TMC2: variants seen among roughly 807,000 people sequenced by gnomAD.
The protein encoded by TMC2 is transmembrane channel like 2, also known as transmembrane channel-like protein 2.
In TMC2, 102 loss-of-function variants were observed where a neutral mutation model predicts 105.9. That is an observed-to-expected ratio of 0.96 (90% CI 0.82 to 1.14). TMC2 has a LOEUF of 1.14. TMC2 is among the 50% of genes most tolerant of loss of function. The pLI is 0.00. For missense variants in TMC2, 1,093 were observed against 1,134.3 expected (o/e 0.96, Z 0.52); for synonymous variants, 402 against 422.8 (o/e 0.95, Z 0.60).
chr20:2,595,104 T>C, intron 9 of TMC2, 137 bp downstream of exon 9: 2 of 1,005,380 alleles, frequency 2.0e-6, no homozygotes, highest in Non-Finnish European at 1.5e-6. Flanking sequence ...ATATGCACAT[T>C]ATAATTTGTG....
Position 2,610,513 on chromosome 20 carries a change from A to C in TMC2, c.1508A>C (p.Lys503Thr). Residue 503 changes from lysine (K) to threonine (T), a missense_variant, in exon 12 of 20, where the codon AAG (lysine) becomes ACG (threonine). Transcript: ENST00000358864. ...AATTACCACCCACGCACTGGACTGAAGTGGCAGCTGGGACGCATCTTTGCA... is the reference window on the plus strand; with the variant it reads ...AATTACCACCCACGCACTGGACTGACGTGGCAGCTGGGACGCATCTTTGCA... The part of the protein sequence containing the change: ...LENYHPRTGL[K>T]WQLGRIFALF... 1.2e-6 allele frequency: 2 copies of C among 1,613,852 alleles called. No individual in the cohort carries two copies. Among genetic ancestry groups the C allele is most frequent in the African/African-American group, 2.7e-5 (2 of 75,014 alleles).
At chr20:2,584,835 A>G (rs1048796417) in intron 7 of TMC2, among the ~76,000 whole-genome samples, 3 of 152,162 alleles carry the variant, frequency 2.0e-5, no homozygotes, top group Middle Eastern at 3.4e-3. Context: ...ATTTGCATCA[A>G]GTAAAATTTA....
chr20:2,558,599 C>T lies in TMC2; in HGVS notation c.226C>T (p.Arg76Cys). The change falls in exon 3 of 20, where the codon CGC becomes TGC. Residue 76 changes from arginine to cysteine, a missense_variant. By Grantham distance (180) the Arg-to-Cys change is radical. Transcript: ENST00000358864. The surrounding 1 kb of genome is among the most constrained non-coding windows in gnomAD (Gnocchi z 4.6). ...PGSPRRKQTG[R>C]RRHREELGEQ... ...GTCTCCCCGGAGGAAGCAAACAGGG[C>T]GCAGGAGACACAGAGAAGAGCTGGG... The T allele has an allele frequency of 6.4e-7, 1 of 1,556,178 alleles. No individual in the cohort carries two copies.
Position 2,537,312 on chromosome 20 carries a change from C to T in TMC2, c.78C>T (p.His26=), listed in dbSNP as rs1473561849. ...VKGRVKSGSP[H]TGDRLGRRSS... is the part of the protein sequence containing the mutation. ...GGCGGGTGAAGAGCGGCTCTCCACACACAGGTGAGATGGGGTGGTGGGGTC... is the reference window on the plus strand; with the variant it reads ...GGCGGGTGAAGAGCGGCTCTCCACATACAGGTGAGATGGGGTGGTGGGGTC... The change falls in exon 2 of 20, where the codon CAC becomes CAT. Residue 26 remains histidine (H), a synonymous_variant. Coordinates refer to ENST00000358864, the MANE Select transcript of TMC2 (RefSeq NM_080751.3). 5 of 1,600,654 alleles carry T rather than the reference C, an allele frequency of 3.1e-6. No individual in the cohort carries two copies. Among genetic ancestry groups the T allele is most frequent in the African/African-American group, 1.3e-5 (1 of 74,852 alleles).
chr20:2,539,547 A>C (rs2085874571), intron 2 of TMC2, among the ~76,000 whole-genome samples: 1 of 152,178 alleles, frequency 6.6e-6, no homozygotes, highest in African/African-American at 2.4e-5. Flanking sequence ...AGTCCTTTCA[A>C]GCAACATAGA....
At chr20:2,589,006 C>T (rs1201012773) in intron 7 of TMC2, among the ~76,000 whole-genome samples, 1 of 152,096 alleles carries the variant, frequency 6.6e-6, no homozygotes, top group Admixed American at 6.6e-5. Flanking sequence ...GCATATTAAT[C>T]AAACTTATTT....
At chr20:2,564,204 G>A (rs1452860216) in intron 4 of TMC2, among the ~76,000 whole-genome samples, 2 of 136,574 alleles carry the variant, frequency 1.5e-5, no homozygotes, top group African/African-American at 2.8e-5. Context: ...AGGATGGAGT[G>A]CAGTGGCACA....
intron 10 of TMC2, among the ~76,000 whole-genome samples, chr20:2,599,614 A>G (rs1292022452): frequency 1.1e-5 from 1 of 92,584 alleles, no homozygotes; most frequent in Non-Finnish European, 2.0e-5. Context: ...AAATTTTTCT[A>G]TTTTTTGTAG....
intron 2 of TMC2, 85 bp downstream of exon 2, chr20:2,537,401 C>T: frequency 1.8e-6 from 2 of 1,090,676 alleles, no homozygotes; most frequent in Non-Finnish European, 2.7e-6. Context: ...ACCCATCCAA[C>T]ATTCTCCTTC....
intron 14 of TMC2, 26 bp downstream of exon 14, chr20:2,613,348 CG>C: frequency 6.2e-7 from 1 of 1,613,818 alleles, no homozygotes; most frequent in Non-Finnish European, 8.5e-7. Context: ...ATGGACATTC[CG>C]CACAAAGGAA....
intron 12 of TMC2, 48 bp from the exon 13 acceptor site, chr20:2,612,143 G>C (rs1309180625): frequency 6.5e-7 from 1 of 1,537,322 alleles, no homozygotes; most frequent in African/African-American, 1.4e-5. Flanking sequence ...GAAACAGTTG[G>C]ACCATCCCTA....
At position 2,594,827 on chromosome 20, in the gene TMC2, C is replaced by T. The variant is rs1184975713; in HGVS notation, c.936C>T (p.Gly312=). ...MDFSVLWDFE[G]YIKYSALFYG... Reference sequence around the variant, plus strand: ...CATTTGGCTTTGCTGTCCCCCAGGGCTATATCAAGTACTCTGCACTCTTCT... The same window carrying T: ...CATTTGGCTTTGCTGTCCCCCAGGGTTATATCAAGTACTCTGCACTCTTCT... Residue 312 remains glycine (G), a splice_region_variant and synonymous_variant, in exon 9 of 20, where the codon GGC becomes GGT. Transcript: ENST00000358864. The T allele has an allele frequency of 5.0e-6, 8 of 1,613,874 alleles. No individual in the cohort carries two copies. In the African/African-American group the frequency reaches 9.3e-5, roughly 19 times the overall value.
In TMC2 at chr20:2,594,845, A is replaced by T. The variant is rs775413027; in HGVS notation, c.954A>T (p.Ala318=). 104 of 1,613,908 alleles carry T rather than the reference A, an allele frequency of 6.4e-5. No homozygotes were observed. Among genetic ancestry groups the T allele is most frequent in the Non-Finnish European group, 7.9e-5 (93 of 1,180,006 alleles). The part of the protein sequence containing the change: ...WDFEGYIKYS[A]LFYGYYNNQR... ...CCCAGGGCTATATCAAGTACTCTGCACTCTTCTATGGCTACTACAACAACC... is the reference window on the plus strand; with the variant it reads ...CCCAGGGCTATATCAAGTACTCTGCTCTCTTCTATGGCTACTACAACAACC... The change falls in exon 9 of 20, where the codon GCA becomes GCT. Residue 318 remains alanine, a synonymous_variant. Transcript: ENST00000358864.
intron 11 of TMC2, 113 bp downstream of exon 11, chr20:2,602,414 A>T (rs2086358853): frequency 1.3e-6 from 1 of 766,356 alleles, no homozygotes; most frequent in Non-Finnish European, 1.9e-6. Flanking sequence ...TGTTTTAATA[A>T]GTGAAATTAC....
intron 2 of TMC2, among the ~76,000 whole-genome samples, chr20:2,540,375 A>G (rs1192919709): frequency 6.6e-6 from 1 of 151,510 alleles, no homozygotes; most frequent in African/African-American, 2.4e-5. Flanking sequence ...AAAGACATGG[A>G]CATGGCCGGG....
intron 19 of TMC2, among the ~76,000 whole-genome samples, chr20:2,639,682 G>A (rs2086674549): frequency 6.6e-6 from 1 of 152,168 alleles, no homozygotes; most frequent in Non-Finnish European, 1.5e-5. Context: ...GGAATATCTA[G>A]AATAATAGAG....
rs201251146 is a variant in TMC2 at position 2,602,249 on chromosome 20, G to T, written c.1361G>T (p.Arg454Leu). The change falls in exon 11 of 20, where the codon CGA becomes CTA. Residue 454 changes from arginine (R) to leucine (L), a missense_variant. By Grantham distance (102) the Arg-to-Leu change is moderately radical. Transcript: ENST00000358864. ...SGYLIYFVVK[R>L]SQQFSKMQNV... Reference sequence around the variant, plus strand: ...TACCTCATTTACTTTGTGGTTAAGCGATCTCAGCAATTCTCCAAAATGCAG... The same window carrying T: ...TACCTCATTTACTTTGTGGTTAAGCTATCTCAGCAATTCTCCAAAATGCAG... 1 of 1,611,326 alleles carries T rather than the reference G, an allele frequency of 6.2e-7. No homozygotes were observed. The highest frequency in any genetic ancestry group is 1.7e-5 in the Admixed American group (1 of 59,442).
At position 2,641,408 on chromosome 20, in the gene TMC2, C is replaced by T; in HGVS notation, c.*57C>T. Reference sequence around the variant, plus strand: ...GGCTGATCCTCAAGTACCCCAGTTTCACACATACCAAACCAAGGTTCTCTC... The same window carrying T: ...GGCTGATCCTCAAGTACCCCAGTTTTACACATACCAAACCAAGGTTCTCTC... On this transcript the variant is annotated 3_prime_UTR_variant, in exon 20 of 20. Transcript: ENST00000358864. 8.8e-7 allele frequency: 1 copy of T among 1,131,190 alleles called. No homozygotes were observed. Among genetic ancestry groups the T allele is most frequent in the South Asian group, 1.3e-5 (1 of 76,138 alleles). The allele number at this position is 1,131,190 out of a possible 1,614,324, so 70.1% of individuals were successfully genotyped here.
At chr20:2,636,775 GCACCACCACAC>G (rs2086649953) in intron 18 of TMC2, among the ~76,000 whole-genome samples, 1 of 133,632 alleles carries the variant, frequency 7.5e-6, no homozygotes, top group African/African-American at 2.5e-5. Context: ...AGGCGTGCAT[GCACCACCACAC>G]CCAGCTAATT....
Sources: gnomAD v4.1 joint callset for allele counts (sites outside exome capture counted in the v4.1 genomes callset) on GRCh38, gnomAD v4.1.1 for gene constraint, Gnocchi (gnomAD v3.1) non-coding constraint, MANE v1.5 for transcripts, NCBI Gene and HGNC (gene_info 2026-07-23, HGNC 2026-07-21) for gene names.